The following LMTK2 variants were observed in gnomAD, a reference collection of about 807,000 sequenced individuals.
LMTK2 encodes serine/threonine-protein kinase LMTK2.
A neutral mutation model predicts 127.5 loss-of-function variants in LMTK2; 37 were observed. The observed-to-expected ratio is 0.29, with a 90% CI of 0.22 to 0.38. The LOEUF (loss-of-function observed/expected upper bound fraction) is 0.38. Among genes scored for constraint, LMTK2 ranks in the 10% least tolerant of loss-of-function variants. The pLI, the probability that LMTK2 is intolerant of heterozygous loss-of-function variation, is 1.00. For missense variants in LMTK2, 1,694 were observed against 1,920.3 expected, an observed-to-expected ratio of 0.88 and a Z score of 2.20; for synonymous variants, 819 against 810.1, an observed-to-expected ratio of 1.01 and a Z score of -0.19.
intron 1 of LMTK2, among the ~76,000 whole-genome samples, chr7:98,121,558 A>T (rs143677251): frequency 0.012 from 1,845 of 151,718 alleles, 42 homozygotes; most frequent in African/African-American, 0.043. Context: ...GCTTGAACCC[A>T]GGAGGGTGGA....
At chr7:98,151,569 C>G in intron 4 of LMTK2, 114 bp downstream of exon 4, 1 of 783,088 alleles carries the variant, frequency 1.3e-6, no homozygotes, top group Non-Finnish European at 2.0e-6. Context: ...CCCTGCGTTA[C>G]TAATTGAGTT....
chr7:98,122,728 A>G (rs4995907), intron 1 of LMTK2, among the ~76,000 whole-genome samples: 71 of 2,294 alleles, frequency 0.031, 2 homozygotes, highest in East Asian at 0.1. Flanking sequence ...GTGTGTGTGT[A>G]TATATATAAC....
chr7:98,196,698 T>C (rs1797627205), intron 11 of LMTK2, among the ~76,000 whole-genome samples: 2 of 152,186 alleles, frequency 1.3e-5, no homozygotes, highest in Admixed American at 6.5e-5. Flanking sequence ...GAGGATGTTA[T>C]GTTTTTCTGA....
chr7:98,185,584 A>T (rs1407330999), intron 8 of LMTK2, among the ~76,000 whole-genome samples: 3 of 152,128 alleles, frequency 2.0e-5, no homozygotes, highest in African/African-American at 7.2e-5. Context: ...GAAATAAGTG[A>T]AGAAGTCAAT....
rs1562902781 is a variant in LMTK2 at position 98,140,155 on chromosome 7, T to TCTG, written c.232-1242_232-1241insCTG. On this transcript the variant is annotated intron_variant, in intron 2 of 13. Coordinates refer to ENST00000297293, the MANE Select transcript of LMTK2 (RefSeq NM_014916.4). ...CTTTCTTTCTTTCTTTTCTTTTCTT[T>TCTG]TCTTTTCTTTTCTTTTCTTTCTTTT... Among the ~76,000 whole-genome samples the TCTG allele has an allele frequency of 3.5e-4, 10 of 28,706 alleles. 1 individual carries two copies. Among genetic ancestry groups the TCTG allele is most frequent in the African/African-American group, 3.2e-3 (10 of 3,098 alleles). The allele number at this position is 28,706 out of a possible 152,430, so 18.8% of individuals were successfully genotyped here. A position where few individuals can be genotyped will look rare whatever the true frequency, so the allele number is the denominator to read the frequency against.
intron 6 of LMTK2, among the ~76,000 whole-genome samples, chr7:98,161,296 A>C (rs1274709393): frequency 6.6e-6 from 1 of 152,186 alleles, no homozygotes; most frequent in Non-Finnish European, 1.5e-5. Context: ...AACCTAACAA[A>C]GTCTAAAATT....
In LMTK2 at chr7:98,209,161, A is replaced by G. The variant is rs1797851596; in HGVS notation, c.*3669A>G. ...GTATACGCAGTGACTTCCGATGGAA[A>G]TCTCCAAAACAATATTCCTAAGTAG... On this transcript the variant is annotated 3_prime_UTR_variant, in exon 14 of 14. Coordinates refer to ENST00000297293, the MANE Select transcript of LMTK2 (RefSeq NM_014916.4). The G allele has an allele frequency of 6.6e-6, 1 of 152,266 alleles. No individual in the cohort carries two copies. The highest frequency in any genetic ancestry group is 2.4e-5 in the African/African-American group (1 of 41,464). The allele number at this position is 152,266 out of a possible 1,614,324, so 9.4% of individuals were successfully genotyped here. A position where few individuals can be genotyped will look rare whatever the true frequency, so the allele number is the denominator to read the frequency against.
At chr7:98,187,425 C>A (rs1797452943) in intron 9 of LMTK2, among the ~76,000 whole-genome samples, 1 of 151,916 alleles carries the variant, frequency 6.6e-6, no homozygotes, top group Admixed American at 6.6e-5. Flanking sequence ...TCTGTCACAG[C>A]CTTCTTAATT....
chr7:98,116,707 C>A (rs1184616517), intron 1 of LMTK2, among the ~76,000 whole-genome samples: 1 of 152,164 alleles, frequency 6.6e-6, no homozygotes, highest in Non-Finnish European at 1.5e-5. Flanking sequence ...AACTAAGGAA[C>A]AAGTATTAAT....
At chr7:98,165,904 G>C (rs1797090272) in intron 6 of LMTK2, among the ~76,000 whole-genome samples, 1 of 152,166 alleles carries the variant, frequency 6.6e-6, no homozygotes. Flanking sequence ...CCTGACCAGA[G>C]CCAGCAGAGG....
At chr7:98,117,653 G>A (rs937007915) in intron 1 of LMTK2, among the ~76,000 whole-genome samples, 3 of 152,104 alleles carry the variant, frequency 2.0e-5, no homozygotes, top group African/African-American at 7.2e-5. Flanking sequence ...TGGTTCCTCT[G>A]ATTGGAGAGT....
At chr7:98,121,142 G>T (rs1341458997) in intron 1 of LMTK2, among the ~76,000 whole-genome samples, 1 of 152,106 alleles carries the variant, frequency 6.6e-6, no homozygotes, top group Non-Finnish European at 1.5e-5. Flanking sequence ...CAGGCCACCC[G>T]TTCACCCTGG....
At chr7:98,109,816 C>CA (rs1389264928) in intron 1 of LMTK2, among the ~76,000 whole-genome samples, 1 of 151,568 alleles carries the variant, frequency 6.6e-6, no homozygotes, top group Non-Finnish European at 1.5e-5. Flanking sequence ...TCTCTCCATC[C>CA]AAAAGAGTTT....
In LMTK2 at chr7:98,194,291, G is replaced by C; in HGVS notation, c.3826G>C (p.Asp1276His). 6.2e-7 allele frequency: 1 copy of C among 1,614,192 alleles called. No homozygotes were observed. The highest frequency in any genetic ancestry group is 8.5e-7 in the Non-Finnish European group (1 of 1,180,038). The change falls in exon 11 of 14, where the codon GAC (aspartate) becomes CAC (histidine). Residue 1276 changes from aspartate (D) to histidine (H), a missense_variant. This residue lies in a region of LMTK2 where 554 missense variants were observed against 567.7 expected (regional missense o/e 0.98). Coordinates refer to ENST00000297293, the MANE Select transcript of LMTK2 (RefSeq NM_014916.4). The surrounding 1 kb of genome is among the most constrained non-coding windows in gnomAD (Gnocchi z 5.4). ...GAAACTCGGGGTGTCAGGGATGCTC[G>C]ACCTCTCAGAGGACGGGATGGATGC... is the stretch of plus-strand genomic sequence containing the variant. ...LGKLGVSGML[D>H]LSEDGMDADE...
At chr7:98,185,732 CT>C (rs200304210) in intron 8 of LMTK2, among the ~76,000 whole-genome samples, 21,271 of 143,940 alleles carry the variant, frequency 0.15, 1,534 homozygotes, top group East Asian at 0.21. Flanking sequence ...CTTTTCCTTT[CT>C]TTTTTTTTTT....
intron 6 of LMTK2, among the ~76,000 whole-genome samples, chr7:98,165,953 G>C (rs1467307874): frequency 6.6e-6 from 1 of 152,058 alleles, no homozygotes; most frequent in Non-Finnish European, 1.5e-5. Flanking sequence ...TTGAGGTGTG[G>C]GGGTGATTGG....
At chr7:98,187,761 C>T (rs1797462650) in intron 9 of LMTK2, among the ~76,000 whole-genome samples, 1 of 151,954 alleles carries the variant, frequency 6.6e-6, no homozygotes, top group African/African-American at 2.4e-5. Context: ...CCAATATGTA[C>T]TACCACACCA....
chr7:98,192,040 C>T lies in LMTK2; in HGVS notation c.1575C>T (p.Ser525=), dbSNP rs143588502. 374 of 1,603,370 alleles carry T rather than the reference C, an allele frequency of 2.3e-4. No homozygotes were observed. Among genetic ancestry groups the T allele is most frequent in the African/African-American group, 1.4e-3 (104 of 74,882 alleles). Reference sequence around the variant, plus strand: ...CTGGGCCCGGAAAGCAAGATGACAGCGGCCAGGATGTCCCCCTGAGGGTCC... The same window carrying T: ...CTGGGCCCGGAAAGCAAGATGACAGTGGCCAGGATGTCCCCCTGAGGGTCC... ...SDPGPGKQDD[S]GQDVPLRVPG... is the part of the protein sequence containing the mutation. Residue 525 remains serine, a synonymous_variant, in exon 11 of 14, where the codon AGC becomes AGT. Transcript: ENST00000297293.
chr7:98,203,516 C>T (rs1201785837), intron 11 of LMTK2, 58 bp from the exon 12 acceptor site: 1 of 1,540,464 alleles, frequency 6.5e-7, no homozygotes, highest in Non-Finnish European at 8.7e-7. Context: ...GAAGCGGTCA[C>T]ACGGGGGGTT....
Sources: allele counts gnomAD v4.1 joint callset (sites outside exome capture counted in the v4.1 genomes callset), GRCh38; gene constraint gnomAD v4.1.1; regional missense constraint gnomAD v4.1.1; non-coding constraint Gnocchi (gnomAD v3.1); transcripts MANE v1.5; gene names NCBI Gene and HGNC (gene_info 2026-07-23, HGNC 2026-07-21).